Variants in CSMD3 observed in about 807,000 individuals in gnomAD.
CSMD3 encodes the protein CUB and Sushi multiple domains 3.
A neutral mutation model predicts 435.2 loss-of-function variants in CSMD3; 177 were observed. The observed-to-expected ratio is 0.41, with a 90% CI of 0.36 to 0.46. The LOEUF (loss-of-function observed/expected upper bound fraction) is 0.46, where lower values mean the gene tolerates loss of function less well. Among genes scored for constraint, CSMD3 ranks in the 20% least tolerant of loss-of-function variants. CSMD3 has a pLI of 0.34. For missense variants in CSMD3, 4,265 were observed against 4,504.6 expected (o/e 0.95, Z 1.52); for synonymous variants, 1,656 against 1,520.5 (o/e 1.09, Z -2.07).
chr8:112,735,845 T>C lies in CSMD3; in HGVS notation c.1973-45795A>G, dbSNP rs570883861. Among the ~76,000 whole-genome samples the C allele has an allele frequency of 9.2e-4, 140 of 152,036 alleles. 1 individual carries two copies. The highest frequency in any genetic ancestry group is 3.8e-4 in the Non-Finnish European group (26 of 67,972). On this transcript the variant is annotated intron_variant, in intron 13 of 70. Transcript: ENST00000297405. ...CTGTTTTTATTGACTTATCAATCCA[T>C]CTTTGATTCTTTAGATGGGAATTAT... is the stretch of plus-strand genomic sequence containing the variant.
At chr8:112,314,374 A>T (rs2130834947) in intron 48 of CSMD3, 55 bp downstream of exon 48, 1 of 1,269,002 alleles carries the variant, frequency 7.9e-7, no homozygotes, top group Non-Finnish European at 1.2e-6. Context: ...TACATGTATA[A>T]TTAGAACATT....
intron 13 of CSMD3, among the ~76,000 whole-genome samples, chr8:112,779,969 T>C (rs923417819): frequency 7.9e-5 from 12 of 152,098 alleles, no homozygotes; most frequent in African/African-American, 2.7e-4. Context: ...TAATGTTTCT[T>C]CCACTTGAAT....
intron 1 of CSMD3, among the ~76,000 whole-genome samples, chr8:113,412,086 G>T (rs2094562259): frequency 6.6e-6 from 1 of 152,142 alleles, no homozygotes; most frequent in East Asian, 1.9e-4. Context: ...TGAGCTTATA[G>T]AAGTAAAACC....
At chr8:112,504,067 A>G in intron 29 of CSMD3, 90 bp from the exon 30 acceptor site, 1 of 784,058 alleles carries the variant, frequency 1.3e-6, no homozygotes, top group Non-Finnish European at 2.0e-6. Flanking sequence ...ATAATCAAAC[A>G]TTAATTCAGT....
intron 6 of CSMD3, among the ~76,000 whole-genome samples, chr8:113,018,123 C>T (rs573929107): frequency 3.3e-5 from 5 of 151,922 alleles, no homozygotes; most frequent in Admixed American, 6.6e-5. Context: ...TGCACTATTA[C>T]GAAAGTCAAA....
intron 3 of CSMD3, among the ~76,000 whole-genome samples, chr8:113,237,970 G>C (rs973735134): frequency 7.9e-5 from 12 of 151,740 alleles, no homozygotes; most frequent in East Asian, 3.9e-4. Flanking sequence ...AGCTACTGAG[G>C]AGGCCGAGGC....
At position 112,291,575 on chromosome 8, in the gene CSMD3, A is replaced by T. The variant is rs1301476975; in HGVS notation, c.8909T>A (p.Phe2970Tyr). The T allele has an allele frequency of 6.2e-7, 1 of 1,611,978 alleles. No homozygotes were observed. Among genetic ancestry groups the T allele is most frequent in the African/African-American group, 1.3e-5 (1 of 74,964 alleles). Residue 2970 changes from phenylalanine to tyrosine, a missense_variant, in exon 56 of 71, where the codon TTT becomes TAT. By Grantham distance (22) the Phe-to-Tyr change is conservative. Transcript: ENST00000297405. ...TTGACATATCAAAACTGAAGATCCAAATAAAAAATATCCAGGATTGCAGTC... is the reference window on the plus strand; with the variant it reads ...TTGACATATCAAAACTGAAGATCCATATAAAAAATATCCAGGATTGCAGTC... ...FYDCNPGYFL[F>Y]GSSVLICQPN...
intron 5 of CSMD3, among the ~76,000 whole-genome samples, chr8:113,071,752 GTTC>G (rs1274244660): frequency 2.6e-5 from 4 of 151,858 alleles, no homozygotes; most frequent in African/African-American, 4.8e-5. Context: ...CTCCAGTTTT[GTTC>G]TTCTTGTTCA....
At chr8:112,645,271 C>A (rs763742090) in intron 19 of CSMD3, 46 bp from the exon 20 acceptor site, 15 of 1,038,288 alleles carry the variant, frequency 1.4e-5, no homozygotes, top group African/African-American at 1.4e-4. Flanking sequence ...GTGAGAGAGA[C>A]AGAGGGTGAA....
chr8:113,186,213 C>T (rs2092498965), intron 3 of CSMD3, among the ~76,000 whole-genome samples: 1 of 151,864 alleles, frequency 6.6e-6, no homozygotes, highest in Non-Finnish European at 1.5e-5. Context: ...AGGGCTGTGC[C>T]CTATGTGGGC....
chr8:113,395,084 AT>A (rs61147951), intron 1 of CSMD3, among the ~76,000 whole-genome samples: 38,283 of 151,604 alleles, frequency 0.25, 5,563 homozygotes, highest in East Asian at 0.46. Flanking sequence ...TTTAGTGACT[AT>A]TTTTTTTTCC....
intron 28 of CSMD3, among the ~76,000 whole-genome samples, chr8:112,516,513 G>A (rs1823686778): frequency 2.0e-5 from 3 of 152,066 alleles, no homozygotes; most frequent in African/African-American, 4.8e-5. Context: ...AACAGAGCAC[G>A]GAGACAAAAG....
At chr8:112,358,441 G>C (rs1391499922) in intron 38 of CSMD3, among the ~76,000 whole-genome samples, 1 of 152,130 alleles carries the variant, frequency 6.6e-6, no homozygotes, top group Non-Finnish European at 1.5e-5. Context: ...GAGGCCGGGG[G>C]TGGAATGATA....
chr8:112,409,243 G>T (rs922726622), intron 32 of CSMD3, among the ~76,000 whole-genome samples: 1 of 151,954 alleles, frequency 6.6e-6, no homozygotes, highest in Non-Finnish European at 1.5e-5. Context: ...ATGACCTAAA[G>T]CAATAAAATA....
At chr8:112,536,115 AGGACTT>A (rs1334113158) in intron 27 of CSMD3, among the ~76,000 whole-genome samples, 2 of 152,200 alleles carry the variant, frequency 1.3e-5, no homozygotes, top group Non-Finnish European at 2.9e-5. Flanking sequence ...GGCATGGGCA[AGGACTT>A]CATGTCCAAA....
intron 3 of CSMD3, among the ~76,000 whole-genome samples, chr8:113,187,456 C>T (rs549602054): frequency 1.5e-4 from 23 of 151,968 alleles, no homozygotes; most frequent in Admixed American, 6.6e-4. Flanking sequence ...AATATGACCA[C>T]TCTGTTTTAT....
intron 24 of CSMD3, among the ~76,000 whole-genome samples, chr8:112,557,416 T>C (rs1158702323): frequency 6.6e-6 from 1 of 151,954 alleles, no homozygotes; most frequent in South Asian, 2.1e-4. Flanking sequence ...TATAATGAAG[T>C]TGTTCCTGGA....
In CSMD3 at chr8:113,098,991, G is replaced by A. The variant is rs754719197; in HGVS notation, c.710-28C>T. 3 of 1,400,918 alleles carry A rather than the reference G, an allele frequency of 2.1e-6. No individual in the cohort carries two copies. The Admixed American group carries it at 5.0e-5, about 24-fold the overall frequency. 86.8% of individuals were successfully genotyped at this position (1,400,918 alleles called of 1,614,324 possible). A position where few individuals can be genotyped will look rare whatever the true frequency, so the allele number is the denominator to read the frequency against. Reference sequence around the variant, plus strand: ...GTTAAAAATGACAAAATATTCAGTTGTAAGTTATTGAGATAAATGCAATTG... The same window carrying A: ...GTTAAAAATGACAAAATATTCAGTTATAAGTTATTGAGATAAATGCAATTG... On this transcript the variant is annotated intron_variant, in intron 4 of 70. Coordinates refer to ENST00000297405, the MANE Select transcript of CSMD3 (RefSeq NM_198123.2).
At chr8:112,636,496 A>G (rs909313224) in intron 22 of CSMD3, among the ~76,000 whole-genome samples, 2 of 151,504 alleles carry the variant, frequency 1.3e-5, no homozygotes, top group African/African-American at 2.4e-5. Flanking sequence ...CTGTCTATCT[A>G]TATCATCTAT....
Sources: gnomAD v4.1 joint callset for allele counts (sites outside exome capture counted in the v4.1 genomes callset) on GRCh38, gnomAD v4.1.1 for gene constraint, MANE v1.5 for transcripts, NCBI Gene and HGNC (gene_info 2026-07-23, HGNC 2026-07-21) for gene names.